The following RASGRF1 variants were observed in gnomAD, a reference collection of about 807,000 sequenced individuals.
RASGRF1 encodes the protein Ras protein specific guanine nucleotide releasing factor 1.
A neutral mutation model predicts 138.7 loss-of-function variants in RASGRF1; 40 were observed. The ratio of observed to expected loss-of-function variants is 0.29; its 90% CI spans 0.22 to 0.38. The LOEUF is 0.38. Ranked by LOEUF, RASGRF1 falls within the 10% of genes least tolerant of loss-of-function variation. The pLI, the probability that RASGRF1 is intolerant of heterozygous loss-of-function variation, is 1.00. For missense variants in RASGRF1, 1,108 were observed against 1,650.4 expected, an observed-to-expected ratio of 0.67 and a Z score of 5.69; for synonymous variants, 614 against 663.2, an observed-to-expected ratio of 0.93 and a Z score of 1.14.
intron 4 of RASGRF1, among the ~76,000 whole-genome samples, chr15:79,047,991 A>T (rs1157510500): frequency 6.6e-6 from 1 of 152,122 alleles, no homozygotes; most frequent in Non-Finnish European, 1.5e-5. Flanking sequence ...TGAAGATAGG[A>T]AGGGCTTTCT....
chr15:79,090,537 T>G lies in RASGRF1; in HGVS notation c.-39A>C. On this transcript the variant is annotated 5_prime_UTR_variant, in exon 1 of 27. Coordinates refer to ENST00000558480, the MANE Select transcript of RASGRF1 (RefSeq NM_001145648.3). ...CAGCGAGACCCCACGCGCTTACATCTTCTCCGCGCAGCAGCCCCCCGTCCG... is the reference window on the plus strand; with the variant it reads ...CAGCGAGACCCCACGCGCTTACATCGTCTCCGCGCAGCAGCCCCCCGTCCG... 1 of 1,594,164 alleles carries G rather than the reference T, an allele frequency of 6.3e-7. No homozygotes were observed. The highest frequency in any genetic ancestry group is 8.5e-7 in the Non-Finnish European group (1 of 1,171,090).
chr15:78,992,668 TCAGG>T (rs372160890), intron 20 of RASGRF1, among the ~76,000 whole-genome samples: 1 of 152,248 alleles, frequency 6.6e-6, no homozygotes, highest in East Asian at 1.9e-4. Flanking sequence ...GGTCAACCCC[TCAGG>T]CAGCAGGTGC....
Position 79,048,394 on chromosome 15 carries a change from G to A in RASGRF1, c.624+1102C>T, listed in dbSNP as rs1232436475. ...CCGGCAGCATAGCCTCTGGAGCTTG[G>A]CCGCCAGGGTTTGAATGTTACTCTG... On this transcript the variant is annotated intron_variant, in intron 4 of 26. Transcript: ENST00000558480. Among the ~76,000 whole-genome samples the A allele has an allele frequency of 2.6e-5, 4 of 152,188 alleles. No homozygotes were observed. In the East Asian group the frequency reaches 7.7e-4, roughly 29 times the overall value.
At position 79,055,148 on chromosome 15, in the gene RASGRF1, C is replaced by T. The variant is rs540296141; in HGVS notation, c.531+3186G>A. 4.6e-5 allele frequency among the ~76,000 whole-genome samples: 7 copies of T among 152,294 alleles called. No individual in the cohort carries two copies. In the East Asian group the frequency reaches 1.4e-3, roughly 29 times the overall value. ...AGAGACTTTGGGTAAGTCGCTTCCT[C>T]CCCATGGATCTTGGTGTCTTCAGAG... On this transcript the variant is annotated intron_variant, in intron 3 of 26. Transcript: ENST00000558480.
In RASGRF1 at chr15:79,090,458, G is replaced by T. The variant is rs776652187; in HGVS notation, c.41C>A (p.Ser14Tyr). The change falls in exon 1 of 27, where the codon TCC becomes TAC. Residue 14 changes from serine (S) to tyrosine (Y), a missense_variant. By Grantham distance (144) the Ser-to-Tyr change is moderately radical. Around this residue, in one of 3 missense-constraint regions of RASGRF1, gnomAD observed 253 missense variants for 329.5 expected, o/e 0.77. Transcript: ENST00000558480. ...GIRLNDGHVA[S>Y]LGLLARKDGT... is the part of the protein sequence containing the mutation. Reference sequence around the variant, plus strand: ...GTCCTTGCGCGCCAGCAGTCCCAGGGACGCGACGTGGCCATCATTCAGCCG... The same window carrying T: ...GTCCTTGCGCGCCAGCAGTCCCAGGTACGCGACGTGGCCATCATTCAGCCG... The T allele has an allele frequency of 1.9e-6, 3 of 1,612,886 alleles. No individual in the cohort carries two copies. Among genetic ancestry groups the T allele is most frequent in the Non-Finnish European group, 2.5e-6 (3 of 1,179,984 alleles).
At chr15:79,042,709 G>C (rs954961784) in intron 5 of RASGRF1, among the ~76,000 whole-genome samples, 2 of 152,186 alleles carry the variant, frequency 1.3e-5, no homozygotes, top group Admixed American at 6.5e-5. Context: ...CCACCTCTCT[G>C]ATCCTGGCTC....
chr15:79,087,579 A>G (rs1175379643), intron 1 of RASGRF1, among the ~76,000 whole-genome samples: 1 of 152,218 alleles, frequency 6.6e-6, no homozygotes, highest in Non-Finnish European at 1.5e-5. Context: ...TGCCCAGCAG[A>G]TTGAGCCAAA....
At position 79,015,565 on chromosome 15, in the gene RASGRF1, C is replaced by T. The variant is rs74027006; in HGVS notation, c.1744-156G>A. ...CCTGGCAAAGGCAGGGTCAGCGTGGCGCATCCTTTAGACTTTGGCCGGAAG... is the reference window on the plus strand; with the variant it reads ...CCTGGCAAAGGCAGGGTCAGCGTGGTGCATCCTTTAGACTTTGGCCGGAAG... On this transcript the variant is annotated intron_variant, in intron 12 of 26. Coordinates refer to ENST00000558480, the MANE Select transcript of RASGRF1 (RefSeq NM_001145648.3). Among the ~76,000 whole-genome samples, 1,196 of 152,296 alleles carry T rather than the reference C, an allele frequency of 7.9e-3. 10 individuals are homozygous for T. Among genetic ancestry groups the T allele is most frequent in the African/African-American group, 0.026 (1,099 of 41,558 alleles).
At chr15:79,001,938 C>A in intron 15 of RASGRF1, 151 bp from the exon 16 acceptor site, 1 of 477,968 alleles carries the variant, frequency 2.1e-6, no homozygotes, top group Non-Finnish European at 3.2e-6. Flanking sequence ...AGCTTTGTTT[C>A]CCGCAGGACT....
chr15:79,086,573 AG>A (rs2057982678), intron 1 of RASGRF1, among the ~76,000 whole-genome samples: 1 of 95,218 alleles, frequency 1.1e-5, no homozygotes, highest in African/African-American at 7.5e-5. Context: ...ACAGGTTCTA[AG>A]ACCCCCCCCC....
intron 7 of RASGRF1, among the ~76,000 whole-genome samples, chr15:79,031,761 G>A (rs1216556020): frequency 6.6e-6 from 1 of 151,828 alleles, no homozygotes; most frequent in African/African-American, 2.4e-5. Context: ...AGGGGGTGGT[G>A]GGAGAGAGAA....
In RASGRF1 at chr15:79,000,423, T is replaced by G. The variant is rs185033573; in HGVS notation, c.2576-510A>C. Among the ~76,000 whole-genome samples the G allele has an allele frequency of 1.1e-3, 171 of 152,310 alleles. 1 individual carries two copies. The highest frequency in any genetic ancestry group is 3.8e-3 in the African/African-American group (160 of 41,564). On this transcript the variant is annotated intron_variant, in intron 16 of 26. Transcript: ENST00000558480. ...AAATTCTCCCCTACCCCCTACTAGC[T>G]GTGTGACCTTGGGTAAGTCATTTAA...
At chr15:79,014,024 A>G (rs2056840255) in intron 13 of RASGRF1, among the ~76,000 whole-genome samples, 1 of 152,264 alleles carries the variant, frequency 6.6e-6, no homozygotes, top group Non-Finnish European at 1.5e-5. Context: ...CCACATGTAC[A>G]AAACAGATGA....
chr15:79,000,064 G>A, intron 16 of RASGRF1, 151 bp from the exon 17 acceptor site: 1 of 767,150 alleles, frequency 1.3e-6, no homozygotes, highest in Non-Finnish European at 2.1e-6. Context: ...GCTGGTGTGT[G>A]TGTGTGTCTC....
At chr15:78,993,231 G>GGTGTGTGTGTGTATGTGGTGTGTGT in intron 20 of RASGRF1, among the ~76,000 whole-genome samples, 1 of 121,168 alleles carries the variant, frequency 8.3e-6, no homozygotes, top group Non-Finnish European at 1.9e-5. Flanking sequence ...CTGTGTGGGT[G>GGTGTGTGTGTGTATGTGGTGTGTGT]ATGTGTGTGT....
intron 1 of RASGRF1, among the ~76,000 whole-genome samples, chr15:79,076,152 C>T (rs565917627): frequency 6.6e-6 from 1 of 152,244 alleles, no homozygotes; most frequent in Admixed American, 6.5e-5. Context: ...ATTCTCAACT[C>T]ATATCATAAT....
At chr15:79,075,485 G>C (rs570052915) in intron 1 of RASGRF1, among the ~76,000 whole-genome samples, 1 of 152,214 alleles carries the variant, frequency 6.6e-6, no homozygotes, top group Non-Finnish European at 1.5e-5. Flanking sequence ...CCCCAGGTCA[G>C]TCTGGAGCTG....
intron 1 of RASGRF1, among the ~76,000 whole-genome samples, chr15:79,081,959 G>A (rs540530783): frequency 6.6e-6 from 1 of 152,312 alleles, no homozygotes; most frequent in South Asian, 2.1e-4. Flanking sequence ...CAGAGTCACC[G>A]AGCTTAATGA....
In RASGRF1 at chr15:78,962,136, G is replaced by T. The variant is rs1230312301; in HGVS notation, c.*8C>A. 2.6e-6 allele frequency: 4 copies of T among 1,528,796 alleles called. No homozygotes were observed. The highest frequency in any genetic ancestry group is 1.4e-5 in the African/African-American group (1 of 73,018). 94.7% of individuals were successfully genotyped at this position (1,528,796 alleles called of 1,614,324 possible). On this transcript the variant is annotated 3_prime_UTR_variant, in exon 27 of 27. Coordinates refer to ENST00000558480, the MANE Select transcript of RASGRF1 (RefSeq NM_001145648.3). ...CCGGGAGCAGCTGGGTCTGGGCTGG[G>T]CTCAGCTTCAGGTGGGGAGTTTTGG...
Sources: allele counts gnomAD v4.1 joint callset (sites outside exome capture counted in the v4.1 genomes callset), GRCh38; gene constraint gnomAD v4.1.1; regional missense constraint gnomAD v4.1.1; transcripts MANE v1.5; gene names NCBI Gene and HGNC (gene_info 2026-07-23, HGNC 2026-07-21).